The following GLIS3 variants were observed in gnomAD, a reference collection of about 807,000 sequenced individuals.
GLIS3 encodes the protein GLIS family zinc finger 3, also known as zinc finger protein GLIS3.
GLIS3 carries 53 observed loss-of-function variants against 78.6 expected under a neutral mutation model. The observed-to-expected ratio is 0.67, with a 90% CI of 0.54 to 0.85. The LOEUF is 0.85. GLIS3 is among the 40% of genes least tolerant of loss of function. The pLI, the probability that GLIS3 is intolerant of heterozygous loss-of-function variation, is 0.00. For missense variants in GLIS3, 1,703 were observed against 1,231.1 expected (o/e 1.38, Z -5.74); for synonymous variants, 684 against 509.9 (o/e 1.34, Z -4.60).
intron 2 of GLIS3, among the ~76,000 whole-genome samples, chr9:4,325,719 T>C (rs1817588472): frequency 1.3e-5 from 2 of 152,238 alleles, no homozygotes; most frequent in Admixed American, 1.3e-4. Flanking sequence ...TGTTTGTTTT[T>C]ATTTTTTTCA....
intron 4 of GLIS3, among the ~76,000 whole-genome samples, chr9:3,995,092 C>G (rs1476019128): frequency 1.3e-5 from 2 of 152,004 alleles, no homozygotes; most frequent in Non-Finnish European, 2.9e-5. Flanking sequence ...TTCTACATGG[C>G]AACAAAGTCA....
intron 2 of GLIS3, among the ~76,000 whole-genome samples, chr9:4,195,189 G>T (rs969960039): frequency 1.3e-5 from 2 of 152,248 alleles, no homozygotes; most frequent in Admixed American, 1.3e-4. Context: ...CTCGGCGTCT[G>T]CTCTGGCCAC....
intron 2 of GLIS3, among the ~76,000 whole-genome samples, chr9:4,205,382 C>T (rs1466288674): frequency 6.6e-6 from 1 of 152,138 alleles, no homozygotes; most frequent in East Asian, 1.9e-4. Context: ...AAGCTCCTGG[C>T]CAGAGTTACG....
At chr9:3,974,089 G>T (rs866758223) in intron 4 of GLIS3, among the ~76,000 whole-genome samples, 1 of 152,132 alleles carries the variant, frequency 6.6e-6, no homozygotes. Context: ...TTGCAAGTGA[G>T]ATGTGTAAAG....
intron 2 of GLIS3, among the ~76,000 whole-genome samples, chr9:4,257,841 G>A (rs1825127460): frequency 6.6e-6 from 1 of 152,158 alleles, no homozygotes; most frequent in Middle Eastern, 3.4e-3. Context: ...CCAAAGTGCT[G>A]GGATTACAGG....
the GLIS3 span, among the ~76,000 whole-genome samples, chr9:4,393,580 A>C: frequency 2.0e-5 from 3 of 152,168 alleles, no homozygotes; most frequent in Admixed American, 6.5e-5. Flanking sequence ...AGTCTGGAAC[A>C]GTTTCTCAGT....
At chr9:4,223,509 T>C (rs1261753936) in intron 2 of GLIS3, among the ~76,000 whole-genome samples, 2 of 152,168 alleles carry the variant, frequency 1.3e-5, no homozygotes, top group Non-Finnish European at 2.9e-5. Context: ...GAGACCCACC[T>C]TTATTTTCTC....
intron 2 of GLIS3, among the ~76,000 whole-genome samples, chr9:4,322,212 C>T (rs1817540482): frequency 6.6e-6 from 1 of 152,180 alleles, no homozygotes; most frequent in Admixed American, 6.5e-5. Context: ...ATGAACTCAT[C>T]CTTTTTTATA....
At chr9:4,481,525 T>C in the GLIS3 span, among the ~76,000 whole-genome samples, 2 of 150,512 alleles carry the variant, frequency 1.3e-5, no homozygotes, top group South Asian at 2.1e-4. Context: ...AGTGTGTGTG[T>C]GTGTGTGTGT....
At chr9:4,009,217 C>T (rs1327940519) in intron 4 of GLIS3, among the ~76,000 whole-genome samples, 6 of 152,200 alleles carry the variant, frequency 3.9e-5, no homozygotes, top group East Asian at 1.9e-4. Flanking sequence ...ATTGCTCACA[C>T]GGAGCATGAG....
intron 4 of GLIS3, among the ~76,000 whole-genome samples, chr9:4,009,016 G>A (rs546771651): frequency 3.3e-5 from 5 of 152,182 alleles, no homozygotes; most frequent in African/African-American, 9.6e-5. Context: ...TCCTGAACCG[G>A]AGCCACACAT....
chr9:3,927,673 C>T (rs1268318471), intron 6 of GLIS3, among the ~76,000 whole-genome samples: 1 of 152,206 alleles, frequency 6.6e-6, no homozygotes, highest in Admixed American at 6.5e-5. Context: ...CTTATTCTTA[C>T]TAAGTGGTCA....
At position 3,827,226 on chromosome 9, in the gene GLIS3, A is replaced by G. The variant is rs1444413226; in HGVS notation, c.*1046T>C. On this transcript the variant is annotated 3_prime_UTR_variant, in exon 11 of 11. Coordinates refer to ENST00000381971, the MANE Select transcript of GLIS3 (RefSeq NM_001042413.2). The stretch of plus-strand genomic sequence containing the variant: ...GTGGATATCCTGAAAAACGTTAGTA[A>G]AATCTGAGCACTGGAAGTCAAGTAT... The G allele has an allele frequency of 2.6e-5, 4 of 152,054 alleles. No individual in the cohort carries two copies. The highest frequency in any genetic ancestry group is 9.7e-5 in the African/African-American group (4 of 41,386). 9.4% of individuals were successfully genotyped at this position (152,054 alleles called of 1,614,324 possible).
At chr9:4,367,780 A>G in the GLIS3 span, among the ~76,000 whole-genome samples, 2 of 152,032 alleles carry the variant, frequency 1.3e-5, no homozygotes, top group Non-Finnish European at 2.9e-5. Context: ...TCTAGAATGG[A>G]AAAAAAAGAA....
At chr9:4,319,413 A>G (rs573514822) in intron 2 of GLIS3, among the ~76,000 whole-genome samples, 374 of 152,334 alleles carry the variant, frequency 2.5e-3, no homozygotes, top group Non-Finnish European at 3.1e-3. Context: ...ATGGAAGCTC[A>G]TTATTCTATT....
At chr9:4,062,487 G>T (rs1388326464) in intron 4 of GLIS3, among the ~76,000 whole-genome samples, 1 of 152,182 alleles carries the variant, frequency 6.6e-6, no homozygotes, top group East Asian at 1.9e-4. Flanking sequence ...GAGGCTTGAG[G>T]GACTAGTGTC....
chr9:4,348,506 A>G (rs958955289), upstream of GLIS3: 3 of 152,362 alleles, frequency 2.0e-5, no homozygotes, highest in African/African-American at 4.8e-5. Context: ...TATTCTACTT[A>G]TATCTCATTG....
At chr9:4,448,611 G>C in the GLIS3 span, among the ~76,000 whole-genome samples, 1 of 152,210 alleles carries the variant, frequency 6.6e-6, no homozygotes, top group Non-Finnish European at 1.5e-5. Flanking sequence ...TTCTCCTCCT[G>C]CTTTGAAGCA....
At chr9:4,358,716 G>A in the GLIS3 span, among the ~76,000 whole-genome samples, 1 of 152,204 alleles carries the variant, frequency 6.6e-6, no homozygotes, top group Non-Finnish European at 1.5e-5. Context: ...GCACACGTGT[G>A]TATGTGTGCA....
Sources: allele counts gnomAD v4.1 joint callset (sites outside exome capture counted in the v4.1 genomes callset), GRCh38; gene constraint gnomAD v4.1.1; transcripts MANE v1.5; gene names NCBI Gene and HGNC (gene_info 2026-07-23, HGNC 2026-07-21).